Variants in RMDN1 observed in about 807,000 individuals in gnomAD.
RMDN1 encodes regulator of microtubule dynamics 1.
Under a neutral mutation model 48.9 loss-of-function variants are expected in RMDN1, and 48 were observed. The ratio of observed to expected loss-of-function variants is 0.98; its 90% CI spans 0.78 to 1.25. The LOEUF is 1.25. Ranked by LOEUF, RMDN1 falls within the 50% of genes most tolerant of loss-of-function variation. The pLI is 0.00. For missense variants in RMDN1, 418 were observed against 373.4 expected, an observed-to-expected ratio of 1.12 and a Z score of -0.98; for synonymous variants, 148 against 132.6, an observed-to-expected ratio of 1.12 and a Z score of -0.80.
chr8:86,482,007 A>G, intron 5 of RMDN1: 2 of 833,640 alleles, frequency 2.4e-6, no homozygotes, highest in South Asian at 1.4e-5. Flanking sequence ...GTACAGTCCT[A>G]TACGAAGTTG....
At chr8:86,512,746 G>T (rs1020479893), upstream of RMDN1, among the ~76,000 whole-genome samples, 1 of 152,186 alleles carries the variant, frequency 6.6e-6, no homozygotes, top group Non-Finnish European at 1.5e-5. Flanking sequence ...ATAAATGAAT[G>T]AATCCTCACT....
downstream of RMDN1, among the ~76,000 whole-genome samples, chr8:86,469,665 A>G (rs753159965): frequency 2.6e-5 from 4 of 152,196 alleles, no homozygotes; most frequent in Non-Finnish European, 4.4e-5. Context: ...GATGTGGTGG[A>G]TGTTGCAGAA....
chr8:86,504,625 C>T (rs1818981315), intron 2 of RMDN1: 3 of 908,638 alleles, frequency 3.3e-6, no homozygotes, highest in Admixed American at 1.7e-5. Flanking sequence ...TTGTTCCATG[C>T]TCATGACTGT....
In RMDN1 at chr8:86,473,254, G is replaced by C. The variant is rs6471354; in HGVS notation, c.*1054C>G. ...AAAAATCCACCTACACACACAGTCTGTCTTTATCTAAGTGGATTCAAGATG... is the reference window on the plus strand; with the variant it reads ...AAAAATCCACCTACACACACAGTCTCTCTTTATCTAAGTGGATTCAAGATG... On this transcript the variant is annotated 3_prime_UTR_variant, in exon 10 of 10. Transcript: ENST00000406452. 0.59 allele frequency: 585,122 copies of C among 984,446 alleles called. 177,557 individuals are homozygous for C. The highest frequency in any genetic ancestry group is 0.9 in the African/African-American group (51,515 of 57,308). 61.0% of individuals were successfully genotyped at this position (984,446 alleles called of 1,614,324 possible).
Position 86,480,302 on chromosome 8 carries a change from T to A in RMDN1, c.616A>T (p.Thr206Ser). 6.5e-7 allele frequency: 1 copy of A among 1,544,706 alleles called. No homozygotes were observed. Among genetic ancestry groups the A allele is most frequent in the Non-Finnish European group, 8.8e-7 (1 of 1,134,780 alleles). ...KAIELNPKDA[T>S]SIHLMGIWCY... ...CAAATACCCATAAGGTGAATTGAAG[T>A]AGCATCTTTAGGGTTCAGTTCAATT... The change falls in exon 6 of 10, where the codon ACT (threonine) becomes TCT (serine). Residue 206 changes from threonine (T) to serine (S), a missense_variant. Coordinates refer to ENST00000406452, the MANE Select transcript of RMDN1 (RefSeq NM_016033.3).
Position 86,472,652 on chromosome 8 carries a change from G to T in RMDN1, c.*1656C>A. On this transcript the variant is annotated 3_prime_UTR_variant, in exon 10 of 10. Transcript: ENST00000406452. ...TATTTTTTCACTGTATCAGTGGTGT[G>T]TCATATTTTTTTTTTTGCCATCCTT... The T allele has an allele frequency of 1.8e-6, 1 of 561,374 alleles. No individual in the cohort carries two copies. Among genetic ancestry groups the T allele is most frequent in the Non-Finnish European group, 3.1e-6 (1 of 318,850 alleles). The allele number at this position is 561,374 out of a possible 1,614,324, so 34.8% of individuals were successfully genotyped here.
chr8:86,471,522 G>T (rs867211898), downstream of RMDN1, among the ~76,000 whole-genome samples: 2 of 151,890 alleles, frequency 1.3e-5, no homozygotes, highest in Middle Eastern at 3.2e-3. Flanking sequence ...ACTCAGAACT[G>T]GACAAACAAA....
At chr8:86,508,712 G>GCACC (rs1819844627), upstream of RMDN1, 1 of 1,341,048 alleles carries the variant, frequency 7.5e-7, no homozygotes, top group Non-Finnish European at 9.5e-7. Flanking sequence ...GGAAAGAACC[G>GCACC]CGCCCGCCCG....
intron 3 of RMDN1, 142 bp from the exon 4 acceptor site, chr8:86,486,785 A>G: frequency 4.0e-6 from 2 of 505,912 alleles, no homozygotes; most frequent in Admixed American, 4.1e-5. Flanking sequence ...AATAATGCTA[A>G]ATTTATTATT....
chr8:86,482,621 C>T (rs917803675), intron 5 of RMDN1: 4 of 766,872 alleles, frequency 5.2e-6, no homozygotes, highest in Non-Finnish European at 9.7e-6. Context: ...TCACTGAAGC[C>T]TCCCACGAGG....
chr8:86,514,274 C>CTGGCCTCCAGAA (rs1366735151), exon 1 of RMDN1: 7 of 985,290 alleles, frequency 7.1e-6, no homozygotes. Flanking sequence ...CAGTAAGCGA[C>CTGGCCTCCAGAA]TGGCCTCCAG....
chr8:86,482,447 T>C (rs892620216), intron 5 of RMDN1: 1 of 500,618 alleles, frequency 2.0e-6, no homozygotes, highest in African/African-American at 1.9e-5. Context: ...CAGTCTTAAG[T>C]TGACAGCAAT....
intron 5 of RMDN1, 148 bp downstream of exon 5, chr8:86,484,718 CAAAAAA>C (rs34599016): frequency 4.0e-5 from 11 of 272,268 alleles, no homozygotes; most frequent in East Asian, 1.8e-4. Flanking sequence ...AACTCCGTCT[CAAAAAA>C]AAAAAAAAAA....
At chr8:86,490,153 TA>T (rs1339685322) in intron 2 of RMDN1, among the ~76,000 whole-genome samples, 2 of 152,196 alleles carry the variant, frequency 1.3e-5, no homozygotes, top group Non-Finnish European at 2.9e-5. Flanking sequence ...GTTTGTGTTT[TA>T]ACAACCCAAA....
upstream of RMDN1, among the ~76,000 whole-genome samples, chr8:86,512,940 G>C (rs1306156313): frequency 6.6e-6 from 1 of 151,896 alleles, no homozygotes; most frequent in Non-Finnish European, 1.5e-5. Context: ...TGTTTAGTTT[G>C]CATTTCTTGG....
chr8:86,470,566 T>TA (rs568648348), downstream of RMDN1, among the ~76,000 whole-genome samples: 176 of 152,204 alleles, frequency 1.2e-3, 1 homozygote, highest in Non-Finnish European at 5.4e-4. Flanking sequence ...CCCAGAGAGA[T>TA]AAAATCTATG....
chr8:86,470,329 C>T, downstream of RMDN1: 3 of 1,289,250 alleles, frequency 2.3e-6, no homozygotes, highest in Non-Finnish European at 3.0e-6. Context: ...GTAAGGGATT[C>T]CTGGGGTTTG....
chr8:86,469,934 G>A (rs1253329575), downstream of RMDN1, among the ~76,000 whole-genome samples: 1 of 152,120 alleles, frequency 6.6e-6, no homozygotes, highest in African/African-American at 2.4e-5. Context: ...TGAAATTGGT[G>A]GGGTTGTCTT....
chr8:86,476,262 A>G (rs1260614621), intron 8 of RMDN1, among the ~76,000 whole-genome samples: 1 of 152,248 alleles, frequency 6.6e-6, no homozygotes. Context: ...TATTCATGAT[A>G]TGTGAAACAG....
Sources: allele counts gnomAD v4.1 joint callset (sites outside exome capture counted in the v4.1 genomes callset), GRCh38; gene constraint gnomAD v4.1.1; transcripts MANE v1.5; gene names NCBI Gene and HGNC (gene_info 2026-07-23, HGNC 2026-07-21).